The following ZNF138 variants were observed in gnomAD, a reference collection of about 807,000 sequenced individuals.
ZNF138 encodes zinc finger protein 138.
A neutral mutation model predicts 33.0 loss-of-function variants in ZNF138; 33 were observed. The observed-to-expected ratio is 1.00, with a 90% CI of 0.76 to 1.34. The LOEUF is 1.34. Ranked by LOEUF, ZNF138 falls within the 40% of genes most tolerant of loss-of-function variation. ZNF138 has a pLI of 0.00. For synonymous variants in ZNF138, 139 were observed against 120.4 expected (o/e 1.15, Z -1.01); for missense variants, 360 against 370.8 (o/e 0.97, Z 0.24).
At chr7:64,816,015 G>A (rs940178502) in intron 3 of ZNF138, among the ~76,000 whole-genome samples, 15 of 150,938 alleles carry the variant, frequency 9.9e-5, no homozygotes, top group South Asian at 4.2e-4. Context: ...TTTTTGCATC[G>A]TATCTGAAAT....
In ZNF138 at chr7:64,831,822, T is replaced by G; in HGVS notation, c.580T>G (p.Phe194Val). Residue 194 changes from phenylalanine (F) to valine (V), a missense_variant, in exon 4 of 4, where the codon TTC becomes GTC. By Grantham distance (50) the Phe-to-Val change is conservative (BLOSUM62 -1). Transcript: ENST00000307355. Reference sequence around the variant, plus strand: ...TAAAAAAATTCATACTAGAGAGAATTTCTACAAATGTGAAGAGTGTGGAAA... The same window carrying G: ...TAAAAAAATTCATACTAGAGAGAATGTCTACAAATGTGAAGAGTGTGGAAA... ...QHKKIHTRENFYKCEECGKTF... is the reference protein window; with the variant it reads ...QHKKIHTRENVYKCEECGKTF... The G allele has an allele frequency of 6.2e-7, 1 of 1,613,534 alleles. No individual in the cohort carries two copies. Among genetic ancestry groups the G allele is most frequent in the Non-Finnish European group, 8.5e-7 (1 of 1,179,868 alleles).
At position 64,832,377 on chromosome 7, in the gene ZNF138, A is replaced by G; in HGVS notation, c.*175A>G. On this transcript the variant is annotated 3_prime_UTR_variant, in exon 4 of 4. Transcript: ENST00000307355. The stretch of plus-strand genomic sequence containing the variant: ...AGCTTTTAACCAGTCCGCAAAGCTC[A>G]CTGAACATAAGTTAATTCATACTGG... The G allele has an allele frequency of 6.5e-7, 1 of 1,536,206 alleles. No homozygotes were observed. The highest frequency in any genetic ancestry group is 1.3e-5 in the South Asian group (1 of 77,968).
At chr7:64,826,658 A>G (rs917681749) in intron 3 of ZNF138, among the ~76,000 whole-genome samples, 1 of 149,874 alleles carries the variant, frequency 6.7e-6, no homozygotes, top group Non-Finnish European at 1.5e-5. Flanking sequence ...TTTTAGACAG[A>G]GTTTCACTGT....
At position 64,811,099 on chromosome 7, in the gene ZNF138, G is replaced by A. The variant is rs1356409456; in HGVS notation, c.4-3819G>A. Among the ~76,000 whole-genome samples the A allele has an allele frequency of 2.6e-5, 4 of 151,894 alleles. No individual in the cohort carries two copies. The East Asian group carries it at 5.8e-4, about 22-fold the overall frequency. On this transcript the variant is annotated intron_variant, in intron 1 of 3. Coordinates refer to ENST00000307355, the MANE Select transcript of ZNF138 (RefSeq NM_001271639.2). The stretch of plus-strand genomic sequence containing the variant: ...TTTTCTTTCTGTATCCCTCTCCTCT[G>A]TCTATATTTAGCTTTAATTCTATAC...
intron 1 of ZNF138, among the ~76,000 whole-genome samples, chr7:64,808,047 C>G: frequency 6.6e-6 from 1 of 152,222 alleles, no homozygotes; most frequent in Non-Finnish European, 1.5e-5. Context: ...GCCTGTCCCA[C>G]TCCTGCTTGG....
At chr7:64,850,035 T>C in the ZNF138 span, among the ~76,000 whole-genome samples, 2 of 152,168 alleles carry the variant, frequency 1.3e-5, no homozygotes, top group African/African-American at 4.8e-5. Context: ...TGTGGTCCTT[T>C]CCAAGTTCCC....
At chr7:64,843,804 G>A in the ZNF138 span, among the ~76,000 whole-genome samples, 1 of 150,946 alleles carries the variant, frequency 6.6e-6, no homozygotes, top group Non-Finnish European at 1.5e-5. Flanking sequence ...TGATTCCCTG[G>A]AATTTTGAGG....
the ZNF138 span, among the ~76,000 whole-genome samples, chr7:64,840,188 T>C: frequency 6.6e-6 from 1 of 152,182 alleles, no homozygotes; most frequent in African/African-American, 2.4e-5. Flanking sequence ...TATTATAAAC[T>C]TAATTTTTTA....
At chr7:64,804,024 AC>A (rs1371001117) in intron 1 of ZNF138, among the ~76,000 whole-genome samples, 1 of 152,194 alleles carries the variant, frequency 6.6e-6, no homozygotes, top group African/African-American at 2.4e-5. Flanking sequence ...AATATATTCC[AC>A]TATATTAACA....
At chr7:64,854,901 GATTTAAC>G in the ZNF138 span, among the ~76,000 whole-genome samples, 1 of 152,090 alleles carries the variant, frequency 6.6e-6, no homozygotes, top group East Asian at 1.9e-4. Flanking sequence ...GCTTTTCTCT[GATTTAAC>G]ATTAAAAGAT....
At chr7:64,822,085 A>G (rs185923173) in intron 3 of ZNF138, among the ~76,000 whole-genome samples, 1 of 149,968 alleles carries the variant, frequency 6.7e-6, no homozygotes, top group African/African-American at 2.5e-5. Context: ...CGCCTGGCTA[A>G]TTTTTTTGTA....
rs764198816 is a variant in ZNF138 at position 64,831,736 on chromosome 7, AAC to A, written c.496_497del (p.His166PhefsTer4). ...CACAAGATAAGACATACTGAAAATA[AAC>A]ATTTCAGATGTAAAGAATGTGACAA... On this transcript the variant is annotated frameshift_variant, in exon 4 of 4. Transcript: ENST00000307355. LOFTEE classifies it high-confidence loss of function. 150 of 1,613,404 alleles carry A rather than the reference AAC, an allele frequency of 9.3e-5. No homozygotes were observed. Among genetic ancestry groups the A allele is most frequent in the Non-Finnish European group, 1.2e-4 (146 of 1,179,832 alleles).
chr7:64,837,409 G>C (rs1325395291), downstream of ZNF138, among the ~76,000 whole-genome samples: 1 of 152,090 alleles, frequency 6.6e-6, no homozygotes, highest in Non-Finnish European at 1.5e-5. Context: ...CAGTTGGCAT[G>C]TTCTCTTAGC....
chr7:64,848,960 T>C, the ZNF138 span, among the ~76,000 whole-genome samples: 4 of 152,232 alleles, frequency 2.6e-5, no homozygotes, highest in East Asian at 7.8e-4. Context: ...CAGCTCGGCC[T>C]CCCAAAGTGC....
At chr7:64,849,086 G>A in the ZNF138 span, among the ~76,000 whole-genome samples, 25 of 152,292 alleles carry the variant, frequency 1.6e-4, 1 homozygote, top group South Asian at 4.6e-3. Context: ...GGCTATGTCC[G>A]AGGGAGTGTC....
At chr7:64,797,067 G>GAAA (rs1485797360) in intron 1 of ZNF138, among the ~76,000 whole-genome samples, 6 of 152,076 alleles carry the variant, frequency 3.9e-5, no homozygotes, top group Non-Finnish European at 7.4e-5. Flanking sequence ...AAGAAAGAAA[G>GAAA]AAAATGAATA....
At position 64,794,474 on chromosome 7, in the gene ZNF138, T is replaced by G; in HGVS notation, c.-95T>G. On this transcript the variant is annotated 5_prime_UTR_variant, in exon 1 of 4. Coordinates refer to ENST00000307355, the MANE Select transcript of ZNF138 (RefSeq NM_001271639.2). ...CAGGTCTGGCCTTCACTTTTCTGCG[T>G]CCTCTTACTCCTAGAGGCCCAGCCT... 1 of 1,582,322 alleles carries G rather than the reference T, an allele frequency of 6.3e-7. No individual in the cohort carries two copies. The highest frequency in any genetic ancestry group is 8.7e-7 in the Non-Finnish European group (1 of 1,155,414).
At chr7:64,843,317 A>T in the ZNF138 span, among the ~76,000 whole-genome samples, 1 of 152,200 alleles carries the variant, frequency 6.6e-6, no homozygotes, top group African/African-American at 2.4e-5. Flanking sequence ...TTTTGGATGT[A>T]TAACCAATAA....
intron 1 of ZNF138, among the ~76,000 whole-genome samples, chr7:64,810,568 T>TTTGTAAC (rs1788088849): frequency 1.2e-5 from 1 of 85,530 alleles, no homozygotes; most frequent in Non-Finnish European, 2.4e-5. Context: ...TTAAATTGCT[T>TTTGTAAC]ATTAGTATAT....
Sources: allele counts gnomAD v4.1 joint callset (sites outside exome capture counted in the v4.1 genomes callset), GRCh38; gene constraint gnomAD v4.1.1; transcripts MANE v1.5; gene names NCBI Gene and HGNC (gene_info 2026-07-23, HGNC 2026-07-21).